The following MALRD1 variants were observed in gnomAD, a reference collection of about 807,000 sequenced individuals.
The protein encoded by MALRD1 is MAM and LDL receptor class A domain containing 1.
MALRD1 carries 247 observed loss-of-function variants against 242.1 expected under a neutral mutation model. The ratio of observed to expected loss-of-function variants is 1.02; its 90% CI spans 0.92 to 1.13. The LOEUF (loss-of-function observed/expected upper bound fraction) is 1.13. MALRD1 is among the 50% of genes most tolerant of loss of function. The probability of loss-of-function intolerance (pLI) is 0.00; values close to 1 mark genes in which losing one functional copy is unlikely to be tolerated. For missense variants in MALRD1, 2,989 were observed against 2,533.1 expected, an observed-to-expected ratio of 1.18 and a Z score of -3.86; for synonymous variants, 995 against 866.6, an observed-to-expected ratio of 1.15 and a Z score of -2.60.
At chr10:19,631,760 C>T (rs1839913540) in intron 36 of MALRD1, among the ~76,000 whole-genome samples, 1 of 152,154 alleles carries the variant, frequency 6.6e-6, no homozygotes, top group African/African-American at 2.4e-5. Flanking sequence ...AGCTTTTCTT[C>T]ATATGCATGT....
chr10:19,064,875 T>C (rs956554289), intron 1 of MALRD1, among the ~76,000 whole-genome samples: 5 of 151,972 alleles, frequency 3.3e-5, no homozygotes, highest in African/African-American at 1.2e-4. Context: ...GACCAACTCA[T>C]AGGTAGTGCA....
intron 34 of MALRD1, among the ~76,000 whole-genome samples, chr10:19,596,113 A>G (rs1185216560): frequency 6.6e-6 from 1 of 152,178 alleles, no homozygotes; most frequent in Non-Finnish European, 1.5e-5. Flanking sequence ...GAGCAAATGC[A>G]TGTAAAATTC....
At chr10:19,400,431 A>G (rs1045876594) in intron 28 of MALRD1, among the ~76,000 whole-genome samples, 2 of 152,104 alleles carry the variant, frequency 1.3e-5, no homozygotes, top group Non-Finnish European at 2.9e-5. Flanking sequence ...GAGTATGTGA[A>G]AAGTTCTGTT....
intron 33 of MALRD1, among the ~76,000 whole-genome samples, chr10:19,586,654 T>G (rs374513711): frequency 4.6e-5 from 7 of 152,188 alleles, no homozygotes; most frequent in African/African-American, 1.2e-4. Flanking sequence ...ACATTTAAGT[T>G]TGCAGAGGTT....
chr10:19,383,192 C>A (rs1472950072), intron 26 of MALRD1, among the ~76,000 whole-genome samples: 1 of 152,092 alleles, frequency 6.6e-6, no homozygotes, highest in Non-Finnish European at 1.5e-5. Context: ...TTTTGATCTG[C>A]AGTCCTCTCC....
At chr10:19,100,744 A>G (rs1836220352) in intron 4 of MALRD1, among the ~76,000 whole-genome samples, 1 of 152,108 alleles carries the variant, frequency 6.6e-6, no homozygotes, top group Non-Finnish European at 1.5e-5. Context: ...AGAGATGAAC[A>G]TTTGTTATGT....
chr10:19,411,203 A>G (rs942618284), intron 28 of MALRD1, among the ~76,000 whole-genome samples: 1 of 152,180 alleles, frequency 6.6e-6, no homozygotes, highest in Non-Finnish European at 1.5e-5. Context: ...TTTCGAGAAG[A>G]TATTGTTCAG....
At chr10:19,530,377 A>ATAT (rs1834314558) in intron 31 of MALRD1, among the ~76,000 whole-genome samples, 6 of 89,730 alleles carry the variant, frequency 6.7e-5, no homozygotes, top group Non-Finnish European at 9.1e-5. Flanking sequence ...ATATTTATAT[A>ATAT]AATATTATAT....
chr10:19,644,825 A>G (rs1840574174), intron 36 of MALRD1, among the ~76,000 whole-genome samples: 1 of 152,170 alleles, frequency 6.6e-6, no homozygotes, highest in Non-Finnish European at 1.5e-5. Context: ...TGGAATGTAA[A>G]CCAAATTTGT....
intron 19 of MALRD1, among the ~76,000 whole-genome samples, chr10:19,267,402 T>A (rs1439588791): frequency 6.6e-6 from 1 of 152,132 alleles, no homozygotes; most frequent in African/African-American, 2.4e-5. Context: ...ATTTTTATGA[T>A]GTCCTCCCCC....
At chr10:19,474,119 T>TTG (rs34763836) in intron 29 of MALRD1, among the ~76,000 whole-genome samples, 125,627 of 151,958 alleles carry the variant, frequency 0.83, 52,257 homozygotes, top group East Asian at 1. Context: ...TATTGGACAT[T>TTG]TGTGTATGTT....
At position 19,136,664 on chromosome 10, in the gene MALRD1, A is replaced by G; in HGVS notation, c.1294A>G (p.Lys432Glu). The G allele has an allele frequency of 8.1e-7, 1 of 1,231,648 alleles. No homozygotes were observed. Among genetic ancestry groups the G allele is most frequent in the Non-Finnish European group, 1.0e-6 (1 of 987,960 alleles). The allele number at this position is 1,231,648 out of a possible 1,614,324, so 76.3% of individuals were successfully genotyped here. The stretch of plus-strand genomic sequence containing the variant: ...TGCCTGTGGACAGACCCAATCCAGA[A>G]AGCTTTGCTCTGCAGACGAATTCCC... Reference protein sequence around the residue: ...VYACGQTQSRKLCSADEFPCT... With the variant: ...VYACGQTQSRELCSADEFPCT... Residue 432 changes from lysine to glutamate, a missense_variant, in exon 10 of 40, where the codon AAG (lysine) becomes GAG (glutamate). Coordinates refer to ENST00000454679, the MANE Select transcript of MALRD1 (RefSeq NM_001142308.3).
At chr10:19,621,351 TAAA>T (rs56041015) in intron 36 of MALRD1, among the ~76,000 whole-genome samples, 5 of 121,870 alleles carry the variant, frequency 4.1e-5, no homozygotes, top group East Asian at 2.4e-4. Flanking sequence ...TAAAAATATG[TAAA>T]AAAAAAAAAA....
intron 10 of MALRD1, among the ~76,000 whole-genome samples, chr10:19,141,647 AG>A (rs1290884121): frequency 2.0e-5 from 3 of 152,028 alleles, no homozygotes; most frequent in Non-Finnish European, 4.4e-5. Flanking sequence ...ACTGTGTTCC[AG>A]AAAAGTTGGC....
chr10:19,053,428 C>T (rs1834567232), intron 1 of MALRD1, among the ~76,000 whole-genome samples: 1 of 152,130 alleles, frequency 6.6e-6, no homozygotes, highest in Admixed American at 6.5e-5. Flanking sequence ...TTCTCAAGAT[C>T]CTCGGCAGGA....
In MALRD1 at chr10:19,368,891, T is replaced by TTGTGTG. The variant is rs71387066; in HGVS notation, c.4441+16620_4441+16625dup. Among the ~76,000 whole-genome samples the TTGTGTG allele has an allele frequency of 7.5e-5, 6 of 79,536 alleles. No individual in the cohort carries two copies. In the East Asian group the frequency reaches 1.1e-3, roughly 14 times the overall value. The allele number at this position is 79,536 out of a possible 152,430, so 52.2% of individuals were successfully genotyped here. A position where few individuals can be genotyped will look rare whatever the true frequency, so the allele number is the denominator to read the frequency against. ...TGTGTATGTGTGTGTGTGTGTGTGT[T>TTGTGTG]TGTGTGTGTGTGTGTGTGTGTGTGT... On this transcript the variant is annotated intron_variant, in intron 26 of 39. Coordinates refer to ENST00000454679, the MANE Select transcript of MALRD1 (RefSeq NM_001142308.3).
At chr10:19,391,647 A>G (rs529910127) in intron 28 of MALRD1, among the ~76,000 whole-genome samples, 18 of 152,136 alleles carry the variant, frequency 1.2e-4, no homozygotes, top group African/African-American at 3.6e-4. Flanking sequence ...GTCGCACCCA[A>G]TCGGGAAGAC....
intron 21 of MALRD1, among the ~76,000 whole-genome samples, chr10:19,311,313 G>A (rs1186619991): frequency 6.6e-6 from 1 of 151,266 alleles, no homozygotes; most frequent in Non-Finnish European, 1.5e-5. Context: ...GAAAGACACA[G>A]AAAAATGTCT....
chr10:19,602,033 A>G (rs1397175743), intron 34 of MALRD1, among the ~76,000 whole-genome samples: 1 of 152,004 alleles, frequency 6.6e-6, no homozygotes, highest in Non-Finnish European at 1.5e-5. Flanking sequence ...AAAATAAAAT[A>G]AATAAAACAG....
Sources: allele counts gnomAD v4.1 joint callset (sites outside exome capture counted in the v4.1 genomes callset), GRCh38; gene constraint gnomAD v4.1.1; transcripts MANE v1.5; gene names NCBI Gene and HGNC (gene_info 2026-07-23, HGNC 2026-07-21).